Variants in NREP observed in about 807,000 individuals in gnomAD.
NREP encodes the protein neuronal regeneration related protein.
A neutral mutation model predicts 8.6 loss-of-function variants in NREP; 5 were observed. That is an observed-to-expected ratio of 0.58 (90% CI 0.30 to 1.22). The LOEUF is 1.22. NREP is among the 50% of genes most tolerant of loss of function. The pLI, the probability that NREP is intolerant of heterozygous loss-of-function variation, is 0.07. For missense variants in NREP, 86 were observed against 82.5 expected, an observed-to-expected ratio of 1.04 and a Z score of -0.17; for synonymous variants, 27 against 28.0, an observed-to-expected ratio of 0.96 and a Z score of 0.11.
chr5:111,940,428 G>C (rs540448716), intron 2 of NREP, among the ~76,000 whole-genome samples: 8 of 152,008 alleles, frequency 5.3e-5, no homozygotes, highest in African/African-American at 1.4e-4. Flanking sequence ...ACATGAAGTC[G>C]TACTGGCAAG....
At chr5:111,755,661 G>T in intron 2 of NREP, 109 bp downstream of exon 2, 1 of 1,208,016 alleles carries the variant, frequency 8.3e-7, no homozygotes, top group Non-Finnish European at 1.2e-6. Context: ...AAGGTCAGAT[G>T]GGGTGTAGAA....
intron 2 of NREP, among the ~76,000 whole-genome samples, chr5:111,795,766 T>C (rs1751859705): frequency 6.6e-6 from 1 of 152,186 alleles, no homozygotes; most frequent in East Asian, 1.9e-4. Flanking sequence ...GTCAAAAGTA[T>C]ATAAAAGACA....
chr5:111,924,182 C>T (rs563878234), intron 2 of NREP, among the ~76,000 whole-genome samples: 28 of 152,150 alleles, frequency 1.8e-4, no homozygotes, highest in Non-Finnish European at 3.5e-4. Context: ...GATTTTGAAA[C>T]TTTATATCCC....
rs559819847 is a variant in NREP, at chr5:111,820,306, G to A, written c.136-84799C>T. Among the ~76,000 whole-genome samples the A allele has an allele frequency of 4.0e-4, 61 of 152,304 alleles. 1 individual carries two copies. In the Middle Eastern group the frequency reaches 0.01, roughly 25 times the overall value. On this transcript the variant is annotated intron_variant, in intron 2 of 3. Coordinates refer to the NREP transcript ENST00000395634. ...CTTAATCTCAGTTAGGGATGTGCAC[G>A]TTGAACAACTTAAATTTCTCACTGC...
chr5:111,873,434 T>G (rs1318677100), intron 2 of NREP, among the ~76,000 whole-genome samples: 1 of 152,222 alleles, frequency 6.6e-6, no homozygotes, highest in Admixed American at 6.5e-5. Flanking sequence ...TAGAGGATAC[T>G]CCATTTTCTG....
At chr5:111,868,883 G>T (rs890637920) in intron 2 of NREP, among the ~76,000 whole-genome samples, 1 of 151,854 alleles carries the variant, frequency 6.6e-6, no homozygotes, top group African/African-American at 2.4e-5. Context: ...CACAATGAAG[G>T]AGGGATGCTA....
chr5:111,800,209 C>T (rs193281634), intron 2 of NREP, among the ~76,000 whole-genome samples: 8 of 152,060 alleles, frequency 5.3e-5, no homozygotes, highest in Non-Finnish European at 7.4e-5. Context: ...ATTACAGGCG[C>T]GGGCCACCAC....
chr5:111,929,791 C>T (rs1403273523), intron 2 of NREP, among the ~76,000 whole-genome samples: 3 of 152,242 alleles, frequency 2.0e-5, no homozygotes, highest in South Asian at 2.1e-4. Context: ...GAGAAACTGA[C>T]ACTCACAGAT....
At chr5:111,816,706 C>T (rs1752392314) in intron 2 of NREP, among the ~76,000 whole-genome samples, 1 of 142,898 alleles carries the variant, frequency 7.0e-6, no homozygotes, top group Non-Finnish European at 1.5e-5. Flanking sequence ...ATAATTCATC[C>T]AAAAGAAGAA....
At chr5:111,882,326 T>C (rs1344139922) in intron 2 of NREP, among the ~76,000 whole-genome samples, 2 of 152,126 alleles carry the variant, frequency 1.3e-5, no homozygotes, top group Non-Finnish European at 2.9e-5. Flanking sequence ...AATATGGGAC[T>C]ATGTGAAAAG....
chr5:111,901,068 G>C (rs1371391888), intron 2 of NREP, among the ~76,000 whole-genome samples: 1 of 152,060 alleles, frequency 6.6e-6, no homozygotes, highest in Non-Finnish European at 1.5e-5. Flanking sequence ...CCATGATCAA[G>C]TGGAATTTAG....
At chr5:111,882,369 G>C (rs1393814349) in intron 2 of NREP, among the ~76,000 whole-genome samples, 1 of 152,218 alleles carries the variant, frequency 6.6e-6, no homozygotes, top group Non-Finnish European at 1.5e-5. Flanking sequence ...GTACCTGAAA[G>C]TGACGGGGAG....
At chr5:111,877,924 T>G (rs17133847) in intron 2 of NREP, among the ~76,000 whole-genome samples, 7,082 of 152,232 alleles carry the variant, frequency 0.047, 413 homozygotes, top group East Asian at 0.23. Context: ...GCTACAGCTA[T>G]GTGAAAGAGA....
At chr5:111,899,332 A>G (rs180718954) in intron 2 of NREP, among the ~76,000 whole-genome samples, 201 of 152,238 alleles carry the variant, frequency 1.3e-3, no homozygotes, top group Non-Finnish European at 2.2e-3. Flanking sequence ...TGGGCTACAT[A>G]GAAGGATCCC....
chr5:111,916,305 A>ACC (rs1755056080), intron 2 of NREP, among the ~76,000 whole-genome samples: 1 of 151,680 alleles, frequency 6.6e-6, no homozygotes, highest in African/African-American at 2.4e-5. Context: ...TCATCATTGA[A>ACC]CCCCAGAAGT....
intron 2 of NREP, among the ~76,000 whole-genome samples, chr5:111,934,931 C>T (rs1054903832): frequency 1.3e-5 from 2 of 151,176 alleles, no homozygotes; most frequent in African/African-American, 4.9e-5. Flanking sequence ...CCTATGGGAG[C>T]TACTGTCATG....
intron 2 of NREP, among the ~76,000 whole-genome samples, chr5:111,848,059 G>A (rs1462150830): frequency 6.6e-6 from 1 of 152,076 alleles, no homozygotes; most frequent in Non-Finnish European, 1.5e-5. Flanking sequence ...CTGAAGGTTT[G>A]GTCCTATCCA....
At chr5:111,764,480 G>A (rs1751035365) in intron 2 of NREP, among the ~76,000 whole-genome samples, 1 of 152,176 alleles carries the variant, frequency 6.6e-6, no homozygotes, top group South Asian at 2.1e-4. Flanking sequence ...GGCAAAGAGA[G>A]AGCTTGTGCA....
chr5:111,751,347 G>A (rs1168834736), intron 2 of NREP, among the ~76,000 whole-genome samples: 1 of 152,080 alleles, frequency 6.6e-6, no homozygotes, highest in Non-Finnish European at 1.5e-5. Context: ...AACCATTAGG[G>A]CTGTTAATAC....
Sources: gnomAD v4.1 joint callset for allele counts (sites outside exome capture counted in the v4.1 genomes callset) on GRCh38, gnomAD v4.1.1 for gene constraint, MANE v1.5 for transcripts, NCBI Gene and HGNC (gene_info 2026-07-23, HGNC 2026-07-21) for gene names.